The following CDH12 variants were observed in gnomAD, a reference collection of about 807,000 sequenced individuals.
The protein encoded by CDH12 is cadherin 12.
A neutral mutation model predicts 74.1 loss-of-function variants in CDH12; 41 were observed. The observed-to-expected ratio is 0.55, with a 90% CI of 0.43 to 0.72. The LOEUF (loss-of-function observed/expected upper bound fraction) is 0.72. Among genes scored for constraint, CDH12 ranks in the 30% least tolerant of loss-of-function variants. CDH12 has a pLI of 0.00. For synonymous variants in CDH12, 399 were observed against 355.0 expected (o/e 1.12, Z -1.39); for missense variants, 945 against 977.2 (o/e 0.97, Z 0.44).
chr5:22,580,748 C>G, intron 1 of CDH12: 2 of 318,188 alleles, frequency 6.3e-6, no homozygotes, highest in Non-Finnish European at 1.3e-5. Context: ...TTCCACCTTT[C>G]TCCTTTATTG....
At position 22,301,853 on chromosome 5, in the gene CDH12, G is replaced by A. The variant is rs151147722; in HGVS notation, c.-332-89210C>T. On this transcript the variant is annotated intron_variant, in intron 3 of 14. Transcript: ENST00000382254. ...TTATTTATTTATTGTATTTTTGGTAGAGACAGAGTCTCACCATGTTGCCCA... is the reference window on the plus strand; with the variant it reads ...TTATTTATTTATTGTATTTTTGGTAAAGACAGAGTCTCACCATGTTGCCCA... 2.0e-5 allele frequency among the ~76,000 whole-genome samples: 3 copies of A among 151,408 alleles called. No individual in the cohort carries two copies. The East Asian group carries it at 5.8e-4, about 29-fold the overall frequency.
At chr5:22,756,208 ATGTT>A in intron 1 of CDH12, among the ~76,000 whole-genome samples, 1 of 151,964 alleles carries the variant, frequency 6.6e-6, no homozygotes, top group African/African-American at 2.4e-5. Flanking sequence ...TGGTCTATCT[ATGTT>A]TGTTGAACAA....
intron 2 of CDH12, among the ~76,000 whole-genome samples, chr5:22,455,691 GAATGGTTGA>G (rs1269534420): frequency 1.2e-4 from 18 of 152,264 alleles, no homozygotes; most frequent in African/African-American, 4.3e-4. Flanking sequence ...ACAACCATGG[GAATGGTTGA>G]AATCACATAC....
intron 6 of CDH12, among the ~76,000 whole-genome samples, chr5:21,957,390 CTTTATGGTAGA>C (rs1756150269): frequency 6.6e-6 from 1 of 152,018 alleles, no homozygotes; most frequent in Non-Finnish European, 1.5e-5. Flanking sequence ...GTGCATGTGT[CTTTATGGTAGA>C]ATGATATATT....
chr5:22,384,970 C>A (rs9293017), intron 3 of CDH12, among the ~76,000 whole-genome samples: 6,457 of 152,074 alleles, frequency 0.042, 307 homozygotes, highest in African/African-American at 0.11. Flanking sequence ...TGATTTGTTA[C>A]AAAATAAAAA....
chr5:21,935,030 C>T (rs997316117), intron 6 of CDH12, among the ~76,000 whole-genome samples: 1 of 152,286 alleles, frequency 6.6e-6, no homozygotes, highest in African/African-American at 2.4e-5. Flanking sequence ...TCGTGATCCG[C>T]CCACCTCGGC....
At chr5:22,539,535 C>A (rs535506811) in intron 1 of CDH12, among the ~76,000 whole-genome samples, 1 of 152,152 alleles carries the variant, frequency 6.6e-6, no homozygotes, top group Non-Finnish European at 1.5e-5. Flanking sequence ...CACAACCAAT[C>A]GTCTCCTTGC....
intron 3 of CDH12, among the ~76,000 whole-genome samples, chr5:22,337,166 G>A (rs1412380400): frequency 6.6e-6 from 1 of 152,162 alleles, no homozygotes; most frequent in Non-Finnish European, 1.5e-5. Context: ...TGGAATGGCT[G>A]TATTTACCCA....
chr5:22,756,098 G>GAAAAAAAA (rs60067455), intron 1 of CDH12, among the ~76,000 whole-genome samples: 307 of 86,610 alleles, frequency 3.5e-3, no homozygotes, highest in Middle Eastern at 0.013. Context: ...TTCAAGGACC[G>GAAAAAAAA]AAAAAAAAAA....
chr5:22,440,196 C>T (rs1020086554), intron 2 of CDH12, among the ~76,000 whole-genome samples: 3 of 151,696 alleles, frequency 2.0e-5, no homozygotes, highest in East Asian at 1.9e-4. Flanking sequence ...GGCATGGAAC[C>T]GAGAGCAACT....
chr5:22,109,592 G>T (rs1182691264), intron 4 of CDH12, among the ~76,000 whole-genome samples: 2 of 152,178 alleles, frequency 1.3e-5, no homozygotes, highest in African/African-American at 4.8e-5. Flanking sequence ...TAGCTCACAA[G>T]CAGGCTGACA....
chr5:21,978,334 G>C (rs1438680271), intron 5 of CDH12, among the ~76,000 whole-genome samples: 2 of 152,064 alleles, frequency 1.3e-5, no homozygotes, highest in Non-Finnish European at 2.9e-5. Context: ...ATAGAGACAG[G>C]GTTTCACCAT....
chr5:22,706,196 T>C (rs891162744), intron 1 of CDH12, among the ~76,000 whole-genome samples: 1 of 152,068 alleles, frequency 6.6e-6, no homozygotes, highest in African/African-American at 2.4e-5. Context: ...CTAACATCCA[T>C]CCCATTCAAT....
intron 6 of CDH12, among the ~76,000 whole-genome samples, chr5:21,876,717 A>T (rs1256367008): frequency 1.3e-5 from 1 of 74,802 alleles, no homozygotes; most frequent in East Asian, 4.4e-4. Context: ...TGTCTTTCAA[A>T]AATGTAAATT....
At chr5:21,857,121 A>G (rs956372195) in intron 6 of CDH12, among the ~76,000 whole-genome samples, 1 of 151,798 alleles carries the variant, frequency 6.6e-6, no homozygotes, top group Non-Finnish European at 1.5e-5. Flanking sequence ...ATCTCCGAGG[A>G]CTACCTTTTT....
chr5:22,377,911 A>G (rs1741602436), intron 3 of CDH12, among the ~76,000 whole-genome samples: 1 of 152,206 alleles, frequency 6.6e-6, no homozygotes, highest in African/African-American at 2.4e-5. Flanking sequence ...CATTGCTAAT[A>G]TACTAAAATG....
At chr5:22,659,475 T>C (rs1740233429) in intron 1 of CDH12, among the ~76,000 whole-genome samples, 2 of 152,134 alleles carry the variant, frequency 1.3e-5, no homozygotes, top group Non-Finnish European at 2.9e-5. Context: ...TGGTATCTAT[T>C]TGCATACATT....
chr5:21,995,627 A>G (rs1736241686), intron 5 of CDH12, among the ~76,000 whole-genome samples: 1 of 151,610 alleles, frequency 6.6e-6, no homozygotes, highest in South Asian at 2.1e-4. Context: ...CCCTTTCCCA[A>G]TTCATAATCA....
intron 4 of CDH12, among the ~76,000 whole-genome samples, chr5:22,123,579 T>C (rs188572398): frequency 3.5e-4 from 53 of 152,322 alleles, no homozygotes; most frequent in African/African-American, 1.2e-3. Flanking sequence ...AAAAATTCCA[T>C]CTGAGATATC....
Sources: gnomAD v4.1 joint callset for allele counts (sites outside exome capture counted in the v4.1 genomes callset) on GRCh38, gnomAD v4.1.1 for gene constraint, MANE v1.5 for transcripts, NCBI Gene and HGNC (gene_info 2026-07-23, HGNC 2026-07-21) for gene names.